The following RARS1 variants were observed in gnomAD, a reference collection of about 807,000 sequenced individuals.
RARS1 encodes the protein arginine--tRNA ligase, cytoplasmic.
A neutral mutation model predicts 78.7 loss-of-function variants in RARS1; 75 were observed. The ratio of observed to expected loss-of-function variants is 0.95; its 90% CI spans 0.79 to 1.15. RARS1 has a LOEUF of 1.15. Among genes scored for constraint, RARS1 ranks in the 50% most tolerant of loss-of-function variants. RARS1 has a pLI of 0.00. For missense variants in RARS1, 787 were observed against 787.5 expected (o/e 1.00, Z 0.01); for synonymous variants, 273 against 268.2 (o/e 1.02, Z -0.18).
chr5:168,509,189 A>G lies in RARS1; in HGVS notation c.1347-1392A>G, dbSNP rs138123000. Among the ~76,000 whole-genome samples the G allele has an allele frequency of 1.7e-3, 252 of 152,294 alleles. 2 individuals are homozygous for G. The highest frequency in any genetic ancestry group is 6.9e-3 in the Admixed American group (105 of 15,300). ...TGGTCTTCATGATGAGTTTCATTTT[A>G]TCAGAGATTTGAAAGTTGAACACTT... On this transcript the variant is annotated intron_variant, in intron 11 of 14. Coordinates refer to ENST00000231572, the MANE Select transcript of RARS1 (RefSeq NM_002887.4).
Position 168,486,543 on chromosome 5 carries a change from G to A in RARS1, c.45G>A (p.Gln15=). ...AGTGCTCCGCGCGGCTGCTGCAGCAGGTTTGGACGCAGGAGACCGGCGGGA... is the reference window on the plus strand; with the variant it reads ...AGTGCTCCGCGCGGCTGCTGCAGCAAGTTTGGACGCAGGAGACCGGCGGGA... ...VSECSARLLQ[Q]EEEIKSLTAE... is the part of the protein sequence containing the mutation. The change falls in exon 1 of 15, where the codon CAG becomes CAA. Residue 15 remains glutamine, a splice_region_variant and synonymous_variant. Coordinates refer to ENST00000231572, the MANE Select transcript of RARS1 (RefSeq NM_002887.4). The A allele has an allele frequency of 6.4e-7, 1 of 1,557,272 alleles. No homozygotes were observed. The highest frequency in any genetic ancestry group is 8.7e-7 in the Non-Finnish European group (1 of 1,149,628).
At chr5:168,507,551 A>G (rs908368901) in intron 11 of RARS1, among the ~76,000 whole-genome samples, 2 of 152,188 alleles carry the variant, frequency 1.3e-5, no homozygotes, top group Non-Finnish European at 2.9e-5. Flanking sequence ...TCATGCTTCT[A>G]AAAAACCACA....
At chr5:168,509,446 C>T (rs1758521234) in intron 11 of RARS1, among the ~76,000 whole-genome samples, 1 of 147,308 alleles carries the variant, frequency 6.8e-6, no homozygotes, top group South Asian at 2.3e-4. Flanking sequence ...ACACCCCCCC[C>T]CCCCCACCAA....
intron 12 of RARS1, among the ~76,000 whole-genome samples, chr5:168,510,990 A>AT (rs1438592759): frequency 6.6e-6 from 1 of 152,140 alleles, no homozygotes; most frequent in Non-Finnish European, 1.5e-5. Flanking sequence ...AAGGGGTTTG[A>AT]TTCGTCAGCT....
chr5:168,510,414 C>A (rs909921724), intron 11 of RARS1, among the ~76,000 whole-genome samples, 167 bp from the exon 12 acceptor site: 1 of 152,132 alleles, frequency 6.6e-6, no homozygotes, highest in African/African-American at 2.4e-5. Context: ...GGCATTGTTA[C>A]CATTGGCATC....
In RARS1 at chr5:168,506,086, A is replaced by G. The variant is rs1451812591; in HGVS notation, c.1123A>G (p.Ile375Val). 2.5e-6 allele frequency: 4 copies of G among 1,608,192 alleles called. No individual in the cohort carries two copies. Among genetic ancestry groups the G allele is most frequent in the South Asian group, 1.1e-5 (1 of 89,924 alleles). The change falls in exon 10 of 15, where the codon ATA becomes GTA. Residue 375 changes from isoleucine to valine, a missense_variant. By Grantham distance (29) the Ile-to-Val change is conservative. Transcript: ENST00000231572. ...FVPGCSIPLT[I>V]VKSDGGYTYD... is the part of the protein sequence containing the mutation. ...CCCAGGGTGTTCCATACCATTAACC[A>G]TAGTAAAATCAGATGGAGGTTATAC...
chr5:168,494,853 A>C (rs757571727), intron 5 of RARS1: 1 of 462,450 alleles, frequency 2.2e-6, no homozygotes, highest in Non-Finnish European at 3.8e-6. Context: ...ATGAGACTTC[A>C]TCTCTAAAAA....
chr5:168,516,682 C>T (rs1359494135), intron 12 of RARS1, 96 bp from the exon 13 acceptor site: 4 of 1,189,532 alleles, frequency 3.4e-6, no homozygotes, highest in East Asian at 4.7e-5. Context: ...AAAAGAATAC[C>T]ATTAGATGTT....
chr5:168,518,493 T>G (rs1758722371), intron 14 of RARS1, among the ~76,000 whole-genome samples: 1 of 152,118 alleles, frequency 6.6e-6, no homozygotes. Context: ...ACCTTAGGAC[T>G]CCAAAGAAAA....
At position 168,510,640 on chromosome 5, in the gene RARS1, G is replaced by A; in HGVS notation, c.1406G>A (p.Gly469Glu). 12 of 1,611,174 alleles carry A rather than the reference G, an allele frequency of 7.4e-6. No individual in the cohort carries two copies. The highest frequency in any genetic ancestry group is 1.1e-5 in the South Asian group (1 of 90,184). Residue 469 changes from glycine to glutamate, a missense_variant, in exon 12 of 15, where the codon GGA becomes GAA. Physicochemically the swap from Gly to Glu is moderately conservative, Grantham distance 98 (BLOSUM62 -2). Transcript: ENST00000231572. ...TVRLMDLLGE[G>E]LKRSMDKLKE... Reference sequence around the variant, plus strand: ...CGCCTCATGGATCTTCTGGGAGAAGGACTAAAACGATCCATGGACAAGTTG... The same window carrying A: ...CGCCTCATGGATCTTCTGGGAGAAGAACTAAAACGATCCATGGACAAGTTG...
chr5:168,511,487 A>T (rs1384271861), intron 12 of RARS1, among the ~76,000 whole-genome samples: 3 of 152,032 alleles, frequency 2.0e-5, no homozygotes, highest in Admixed American at 2.0e-4. Flanking sequence ...TATCACCAAG[A>T]CAGCACCAAG....
At chr5:168,499,102 G>C (rs1332128425) in intron 7 of RARS1, among the ~76,000 whole-genome samples, 3 of 152,132 alleles carry the variant, frequency 2.0e-5, no homozygotes, top group Non-Finnish European at 4.4e-5. Flanking sequence ...CAGATTGCTT[G>C]AGTCCAGGAG....
At position 168,492,686 on chromosome 5, in the gene RARS1, A is replaced by G. The variant is rs576527619; in HGVS notation, c.208A>G (p.Thr70Ala). The change falls in exon 3 of 15, where the codon ACT becomes GCT. Residue 70 changes from threonine (T) to alanine (A), a missense_variant. Coordinates refer to ENST00000231572, the MANE Select transcript of RARS1 (RefSeq NM_002887.4). ...KSLQAERNKP[T>A]KNMINIISRL... ...TCTTCAGGCAGAAAGGAACAAACCA[A>G]CTAAAAATATGATTAACATTATTAG... The G allele has an allele frequency of 1.4e-4, 224 of 1,609,106 alleles. 1 individual carries two copies. The South Asian group carries it at 2.4e-3, about 18-fold the overall frequency.
chr5:168,517,969 C>T lies in RARS1; in HGVS notation c.1780C>T (p.Leu594Phe). 13 of 1,610,572 alleles carry T rather than the reference C, an allele frequency of 8.1e-6. No individual in the cohort carries two copies. The highest frequency in any genetic ancestry group is 1.1e-5 in the Non-Finnish European group (13 of 1,178,518). The change falls in exon 14 of 15, where the codon CTC (leucine) becomes TTC (phenylalanine). Residue 594 changes from leucine (L) to phenylalanine (F), a missense_variant. Physicochemically the swap from Leu to Phe is conservative, Grantham distance 22. Coordinates refer to ENST00000231572, the MANE Select transcript of RARS1 (RefSeq NM_002887.4). Reference sequence around the variant, plus strand: ...GCAAAAGATTTTAGATGACTTATTTCTCCACACTCTCTGTGATTATATATA... The same window carrying T: ...GCAAAAGATTTTAGATGACTTATTTTTCCACACTCTCTGTGATTATATATA... ...ILQKILDDLF[L>F]HTLCDYIYEL...
intron 12 of RARS1, among the ~76,000 whole-genome samples, chr5:168,513,116 G>A (rs1758597715): frequency 6.6e-6 from 1 of 151,254 alleles, no homozygotes; most frequent in Admixed American, 6.6e-5. Context: ...CACGATCTCG[G>A]CTCACTGCAA....
chr5:168,517,212 G>A (rs773287393), intron 13 of RARS1, among the ~76,000 whole-genome samples: 39 of 151,874 alleles, frequency 2.6e-4, no homozygotes, highest in Non-Finnish European at 4.4e-4. Flanking sequence ...GCGCGATCTC[G>A]GCTCACTGCA....
At chr5:168,508,436 A>G (rs1758493106) in intron 11 of RARS1, among the ~76,000 whole-genome samples, 1 of 151,680 alleles carries the variant, frequency 6.6e-6, no homozygotes, top group Non-Finnish European at 1.5e-5. Flanking sequence ...CCTGGCCAAC[A>G]TGGTGAAACC....
At chr5:168,492,997 G>T in intron 3 of RARS1, 150 bp downstream of exon 3, 3 of 729,908 alleles carry the variant, frequency 4.1e-6, no homozygotes, top group South Asian at 3.3e-5. Flanking sequence ...GAGTTGGGGG[G>T]GTATATGTTT....
Position 168,495,393 on chromosome 5 carries a change from A to C in RARS1, c.658A>C (p.Ser220Arg). 1 of 1,614,036 alleles carries C rather than the reference A, an allele frequency of 6.2e-7. No homozygotes were observed. Among genetic ancestry groups the C allele is most frequent in the Non-Finnish European group, 8.5e-7 (1 of 1,179,944 alleles). The change falls in exon 6 of 15, where the codon AGT (serine) becomes CGT (arginine). Residue 220 changes from serine to arginine, a missense_variant. Coordinates refer to ENST00000231572, the MANE Select transcript of RARS1 (RefSeq NM_002887.4). ...GHLRSTIIGE[S>R]ISRLFEFAGY... ...CCTGAGGTCAACTATCATAGGAGAG[A>C]GTATAAGCCGCCTCTTTGAATTTGC...
Sources: gnomAD v4.1 joint callset for allele counts (sites outside exome capture counted in the v4.1 genomes callset) on GRCh38, gnomAD v4.1.1 for gene constraint, MANE v1.5 for transcripts, NCBI Gene and HGNC (gene_info 2026-07-23, HGNC 2026-07-21) for gene names.